The following ABI2 variants were observed in gnomAD, a reference collection of about 807,000 sequenced individuals.
ABI2 encodes the protein abl interactor 2.
Under a neutral mutation model 59.2 loss-of-function variants are expected in ABI2, and 25 were observed. The observed-to-expected ratio is 0.42, with a 90% CI of 0.31 to 0.59. The LOEUF is 0.59. Among genes scored for constraint, ABI2 ranks in the 20% least tolerant of loss-of-function variants. The pLI, the probability that ABI2 is intolerant of heterozygous loss-of-function variation, is 0.14. For missense variants in ABI2, 545 were observed against 681.8 expected (o/e 0.80, Z 2.23); for synonymous variants, 213 against 235.5 (o/e 0.90, Z 0.87).
intron 1 of ABI2, among the ~76,000 whole-genome samples, chr2:203,358,043 C>T (rs1165164070): frequency 6.7e-6 from 1 of 150,052 alleles, no homozygotes; most frequent in East Asian, 2.0e-4. Context: ...GCTGGGATTA[C>T]AGCCATGAGC....
chr2:203,427,332 A>C lies in ABI2; in HGVS notation c.1609A>C (p.Ile537Leu), dbSNP rs767381069. The change falls in exon 12 of 12, where the codon ATC becomes CTC. Residue 537 changes from isoleucine (I) to leucine (L), a missense_variant. Ile to Leu is a conservative substitution (Grantham distance 5, BLOSUM62 2). Transcript: ENST00000261018. ...TTTTCCTGGGAATTACGTTGAGTCT[A>C]TCATGCATTATTCTGAGTAAAGCTC... Reference protein sequence around the residue: ...GLFPGNYVESIMHYSE With the variant: ...GLFPGNYVESLMHYSE 6.2e-7 allele frequency: 1 copy of C among 1,613,912 alleles called. No individual in the cohort carries two copies.
At chr2:203,334,818 G>A (rs1198814107) in intron 1 of ABI2, among the ~76,000 whole-genome samples, 1 of 151,934 alleles carries the variant, frequency 6.6e-6, no homozygotes, top group Non-Finnish European at 1.5e-5. Context: ...ACGCCACCAC[G>A]CCTGGCTAAT....
intron 9 of ABI2, among the ~76,000 whole-genome samples, chr2:203,407,854 T>C (rs1443820083): frequency 2.0e-5 from 3 of 152,234 alleles, no homozygotes; most frequent in African/African-American, 4.8e-5. Context: ...AAAATTCTGC[T>C]TAAATTCACT....
chr2:203,345,368 G>A (rs569166857), intron 1 of ABI2, among the ~76,000 whole-genome samples: 1 of 152,210 alleles, frequency 6.6e-6, no homozygotes, highest in African/African-American at 2.4e-5. Flanking sequence ...AACAAACTCC[G>A]GACACACCAT....
intron 1 of ABI2, among the ~76,000 whole-genome samples, chr2:203,338,113 T>C (rs1338225959): frequency 6.6e-6 from 1 of 152,194 alleles, no homozygotes; most frequent in East Asian, 1.9e-4. Context: ...CCCGGAAATG[T>C]AGCCACATCT....
chr2:203,363,503 A>G (rs148890452), intron 1 of ABI2, among the ~76,000 whole-genome samples: 1 of 141,072 alleles, frequency 7.1e-6, no homozygotes, highest in East Asian at 2.1e-4. Flanking sequence ...CTTTCCCTCT[A>G]CCTCCTCCTG....
chr2:203,384,483 A>C lies in ABI2; in HGVS notation c.480+2277A>C, dbSNP rs552273967. The stretch of plus-strand genomic sequence containing the variant: ...CACCATGCCTGGCTATTTTTTAACA[A>C]ATTTTTTGTAGAGATGGGGTCTCAC... On this transcript the variant is annotated intron_variant, in intron 4 of 11. Transcript: ENST00000261018. Among the ~76,000 whole-genome samples, 5 of 150,588 alleles carry C rather than the reference A, an allele frequency of 3.3e-5. No individual in the cohort carries two copies. The South Asian group carries it at 1.0e-3, about 32-fold the overall frequency.
intron 10 of ABI2, among the ~76,000 whole-genome samples, chr2:203,416,337 A>G (rs963625487): frequency 2.0e-5 from 3 of 151,478 alleles, no homozygotes; most frequent in African/African-American, 7.3e-5. Flanking sequence ...GTCTTGCCCT[A>G]TGGCCCAGGC....
At chr2:203,418,547 A>G (rs1433253335) in intron 11 of ABI2, among the ~76,000 whole-genome samples, 3 of 152,256 alleles carry the variant, frequency 2.0e-5, no homozygotes, top group Admixed American at 2.0e-4. Context: ...TCTGGATCAC[A>G]TAGGCTTCTC....
intron 3 of ABI2, among the ~76,000 whole-genome samples, chr2:203,381,104 G>T (rs2096092359): frequency 6.6e-6 from 1 of 152,100 alleles, no homozygotes; most frequent in African/African-American, 2.4e-5. Flanking sequence ...AGTTCATGTA[G>T]TTGATTTTTT....
At chr2:203,416,547 C>T (rs895264561) in intron 10 of ABI2, among the ~76,000 whole-genome samples, 2 of 152,168 alleles carry the variant, frequency 1.3e-5, no homozygotes, top group East Asian at 1.9e-4. Context: ...CCGCCTGCTT[C>T]GGCCTCCCAA....
chr2:203,419,703 CTTG>C, intron 11 of ABI2, among the ~76,000 whole-genome samples: 1 of 151,916 alleles, frequency 6.6e-6, no homozygotes, highest in Non-Finnish European at 1.5e-5. Flanking sequence ...TGTGGTTTGC[CTTG>C]TTTAATATAA....
At chr2:203,415,126 G>A (rs2097840433) in intron 10 of ABI2, among the ~76,000 whole-genome samples, 2 of 152,134 alleles carry the variant, frequency 1.3e-5, no homozygotes, top group African/African-American at 4.8e-5. Flanking sequence ...TCTCACCCAA[G>A]TATATGGTAA....
chr2:203,328,509 G>A lies in ABI2; in HGVS notation c.-6G>A. 2 of 1,601,126 alleles carry A rather than the reference G, an allele frequency of 1.2e-6. No individual in the cohort carries two copies. Among genetic ancestry groups the A allele is most frequent in the Non-Finnish European group, 1.7e-6 (2 of 1,174,066 alleles). ...GTATGAGGAGGAGGAGGAGGAGGAT[G>A]TGAAGATGGCGGAGCTGCAGATGCT... On this transcript the variant is annotated 5_prime_UTR_variant, in exon 1 of 12. In the 5' UTR this introduces an upstream ATG that the reference lacks. Transcript: ENST00000261018.
chr2:203,357,493 C>A (rs994061447), intron 1 of ABI2, among the ~76,000 whole-genome samples: 1 of 152,190 alleles, frequency 6.6e-6, no homozygotes, highest in Non-Finnish European at 1.5e-5. Context: ...AACCTCTGAT[C>A]ATTTGTTTTA....
intron 2 of ABI2, among the ~76,000 whole-genome samples, chr2:203,370,106 G>A (rs2094973744): frequency 2.0e-5 from 3 of 151,104 alleles, no homozygotes; most frequent in Non-Finnish European, 2.9e-5. Context: ...AAGGCCAGAT[G>A]GTAACTATTT....
At chr2:203,426,914 T>C (rs958894869) in intron 11 of ABI2, among the ~76,000 whole-genome samples, 5 of 151,960 alleles carry the variant, frequency 3.3e-5, no homozygotes, top group Non-Finnish European at 5.9e-5. Flanking sequence ...TCTTAAAAGG[T>C]CATCAAAAGC....
chr2:203,406,190 G>A (rs897373386), intron 9 of ABI2, among the ~76,000 whole-genome samples: 2 of 152,132 alleles, frequency 1.3e-5, no homozygotes, highest in Admixed American at 1.3e-4. Context: ...AAACACCTTG[G>A]TGGTCAAGAA....
intron 2 of ABI2, among the ~76,000 whole-genome samples, chr2:203,373,142 G>T (rs1331529138): frequency 5.9e-5 from 9 of 152,280 alleles, no homozygotes; most frequent in Non-Finnish European, 8.8e-5. Flanking sequence ...AGCGAGCCGA[G>T]ATCACGCCAC....
Sources: allele counts gnomAD v4.1 joint callset (sites outside exome capture counted in the v4.1 genomes callset), GRCh38; gene constraint gnomAD v4.1.1; transcripts MANE v1.5; gene names NCBI Gene and HGNC (gene_info 2026-07-23, HGNC 2026-07-21).